The following SNTG1 variants were observed in gnomAD, a reference collection of about 807,000 sequenced individuals.
SNTG1 encodes gamma-1-syntrophin.
A neutral mutation model predicts 74.7 loss-of-function variants in SNTG1; 39 were observed. The ratio of observed to expected loss-of-function variants is 0.52; its 90% confidence interval spans 0.40 to 0.68. The LOEUF is 0.68. Ranked by LOEUF, SNTG1 falls within the 30% of genes least tolerant of loss-of-function variation. SNTG1 has a pLI of 0.00. For missense variants in SNTG1, 685 were observed against 609.5 expected (o/e 1.12, Z -1.30); for synonymous variants, 254 against 217.1 (o/e 1.17, Z -1.49).
At chr8:50,570,666 A>G (rs1282937357) in intron 12 of SNTG1, among the ~76,000 whole-genome samples, 1 of 150,644 alleles carries the variant, frequency 6.6e-6, no homozygotes, top group Admixed American at 6.6e-5. Context: ...GTGCTGTGGC[A>G]TGATCTCGGA....
At chr8:49,987,784 G>C (rs1457996562) in intron 1 of SNTG1, among the ~76,000 whole-genome samples, 1 of 151,774 alleles carries the variant, frequency 6.6e-6, no homozygotes, top group Non-Finnish European at 1.5e-5. Context: ...GGGTAGCTGG[G>C]ACTACAGGCG....
chr8:50,479,559 G>C (rs571668331), intron 8 of SNTG1, among the ~76,000 whole-genome samples: 20 of 152,016 alleles, frequency 1.3e-4, no homozygotes, highest in African/African-American at 4.6e-4. Context: ...GCCTCATTTA[G>C]CTCCTCACCT....
chr8:50,394,595 C>T (rs1009125214), intron 3 of SNTG1, among the ~76,000 whole-genome samples: 3 of 152,138 alleles, frequency 2.0e-5, no homozygotes, highest in Admixed American at 2.0e-4. Flanking sequence ...TAGAAGACAT[C>T]TAAGGTTCCT....
chr8:50,102,773 C>A (rs1332440669), intron 1 of SNTG1, among the ~76,000 whole-genome samples: 2 of 151,010 alleles, frequency 1.3e-5, no homozygotes, highest in East Asian at 3.9e-4. Context: ...CAGCTTTCTA[C>A]ATATGGCTAG....
intron 17 of SNTG1, among the ~76,000 whole-genome samples, chr8:50,722,001 G>A (rs12548479): frequency 0.21 from 31,505 of 151,416 alleles, 3,362 homozygotes; most frequent in South Asian, 0.31. Flanking sequence ...ACAAATGATG[G>A]ATTACATATT....
intron 18 of SNTG1, among the ~76,000 whole-genome samples, chr8:50,768,685 A>C (rs1323080463): frequency 6.6e-6 from 1 of 151,990 alleles, no homozygotes; most frequent in African/African-American, 2.4e-5. Flanking sequence ...TTTCCCTCTC[A>C]TTTCCAGCTG....
intron 18 of SNTG1, among the ~76,000 whole-genome samples, chr8:50,787,205 A>T (rs942422268): frequency 6.6e-6 from 1 of 151,978 alleles, no homozygotes; most frequent in Non-Finnish European, 1.5e-5. Flanking sequence ...TCCAGAGAAG[A>T]TATTCAAATT....
intron 2 of SNTG1, among the ~76,000 whole-genome samples, chr8:50,319,046 A>G (rs1282513399): frequency 6.6e-6 from 1 of 152,038 alleles, no homozygotes; most frequent in Non-Finnish European, 1.5e-5. Context: ...GAGTATATAT[A>G]TCTATGTATA....
At chr8:50,410,533 A>G (rs1337830822) in intron 4 of SNTG1, among the ~76,000 whole-genome samples, 3 of 152,202 alleles carry the variant, frequency 2.0e-5, no homozygotes, top group Admixed American at 1.3e-4. Flanking sequence ...CTTGATAGAT[A>G]TATATACATA....
At chr8:50,448,792 T>C (rs1328897042) in intron 5 of SNTG1, among the ~76,000 whole-genome samples, 1 of 152,134 alleles carries the variant, frequency 6.6e-6, no homozygotes, top group Non-Finnish European at 1.5e-5. Context: ...CCCAGCACTT[T>C]GGGATGCCGA....
chr8:50,338,039 G>C (rs1474843588), intron 2 of SNTG1, among the ~76,000 whole-genome samples: 1 of 152,016 alleles, frequency 6.6e-6, no homozygotes. Flanking sequence ...AGGAGGCTGA[G>C]GCAGGAGAAT....
At chr8:50,260,853 AAGG>A (rs764150807) in intron 2 of SNTG1, among the ~76,000 whole-genome samples, 10 of 152,144 alleles carry the variant, frequency 6.6e-5, no homozygotes, top group African/African-American at 9.7e-5. Flanking sequence ...TGATTGAAGA[AAGG>A]AGATCATGGA....
At chr8:50,428,208 G>A (rs1017940919) in intron 4 of SNTG1, among the ~76,000 whole-genome samples, 1 of 152,162 alleles carries the variant, frequency 6.6e-6, no homozygotes, top group African/African-American at 2.4e-5. Flanking sequence ...TACTGGAGAG[G>A]CTGATGCAGA....
chr8:50,626,601 A>G (rs913480488), intron 13 of SNTG1, among the ~76,000 whole-genome samples: 3 of 152,252 alleles, frequency 2.0e-5, no homozygotes, highest in African/African-American at 7.2e-5. Context: ...GGAATGGGCC[A>G]AACAAAGGGA....
intron 8 of SNTG1, among the ~76,000 whole-genome samples, chr8:50,487,700 G>GA (rs3036644): frequency 1.4e-5 from 2 of 146,530 alleles, no homozygotes; most frequent in East Asian, 2.0e-4. Flanking sequence ...GGTCGGAGGG[G>GA]GGGGAGGGAT....
At chr8:50,709,359 A>C (rs528427415) in intron 17 of SNTG1, among the ~76,000 whole-genome samples, 1 of 151,636 alleles carries the variant, frequency 6.6e-6, no homozygotes, top group East Asian at 1.9e-4. Flanking sequence ...CTGCAATACA[A>C]AAAGAAAGAA....
chr8:49,947,307 A>C (rs1181014018), intron 1 of SNTG1, among the ~76,000 whole-genome samples: 1 of 152,202 alleles, frequency 6.6e-6, no homozygotes, highest in Non-Finnish European at 1.5e-5. Flanking sequence ...TCTCAAAAAA[A>C]AAGAGTAATT....
chr8:50,513,628 C>G (rs996568389), intron 9 of SNTG1, among the ~76,000 whole-genome samples: 2 of 152,232 alleles, frequency 1.3e-5, no homozygotes, highest in Non-Finnish European at 2.9e-5. Context: ...GATGCCCCTC[C>G]CCAGCCTCAC....
intron 13 of SNTG1, among the ~76,000 whole-genome samples, chr8:50,651,133 A>G (rs371695175): frequency 2.0e-5 from 3 of 152,196 alleles, no homozygotes; most frequent in East Asian, 3.9e-4. Flanking sequence ...TATTTACATT[A>G]TTATTCTCTC....
Sources: allele counts gnomAD v4.1 joint callset (sites outside exome capture counted in the v4.1 genomes callset), GRCh38; gene constraint gnomAD v4.1.1; transcripts MANE v1.5; gene names NCBI Gene and HGNC (gene_info 2026-07-23, HGNC 2026-07-21).